Variants in MEIOB observed in about 807,000 individuals in gnomAD.
MEIOB encodes the protein meiosis-specific with OB domain-containing protein.
Under a neutral mutation model 53.1 loss-of-function variants are expected in MEIOB, and 50 were observed. The ratio of observed to expected loss-of-function variants is 0.94; its 90% CI spans 0.75 to 1.19. MEIOB has a LOEUF of 1.19. MEIOB is among the 50% of genes most tolerant of loss of function. The pLI is 0.00. For missense variants in MEIOB, 551 were observed against 550.8 expected (o/e 1.00, Z 0.00); for synonymous variants, 192 against 182.5 (o/e 1.05, Z -0.42).
intron 13 of MEIOB, among the ~76,000 whole-genome samples, chr16:1,836,708 A>G (rs567418227): frequency 6.8e-6 from 1 of 147,674 alleles, no homozygotes; most frequent in African/African-American, 2.4e-5. Context: ...GAGGAGATGC[A>G]GCATTCACAA....
intron 5 of MEIOB, 43 bp downstream of exon 5, chr16:1,860,360 A>T (rs184122884): frequency 1.9e-6 from 2 of 1,025,924 alleles, no homozygotes; most frequent in African/African-American, 1.6e-5. Context: ...CATTATTAGT[A>T]ATGATCATTC....
intron 2 of MEIOB, among the ~76,000 whole-genome samples, chr16:1,867,188 G>A (rs1366791435): frequency 6.6e-6 from 1 of 152,140 alleles, no homozygotes; most frequent in Non-Finnish European, 1.5e-5. Flanking sequence ...CAGGGGCAGG[G>A]AAGGTAAGGG....
chr16:1,836,454 A>G (rs1484167664), intron 13 of MEIOB, among the ~76,000 whole-genome samples: 2 of 152,180 alleles, frequency 1.3e-5, no homozygotes, highest in African/African-American at 4.8e-5. Flanking sequence ...GAAAGTATAC[A>G]GGGTCGGTCA....
At chr16:1,853,322 T>A in intron 7 of MEIOB, 51 bp from the exon 8 acceptor site, 1 of 1,314,190 alleles carries the variant, frequency 7.6e-7, no homozygotes, top group Non-Finnish European at 1.1e-6. Context: ...TAGAAAAAAC[T>A]GATAGTGACA....
chr16:1,865,951 C>A, intron 2 of MEIOB, 116 bp from the exon 3 acceptor site: 1 of 644,902 alleles, frequency 1.6e-6, no homozygotes, highest in Admixed American at 3.4e-5. Context: ...GACTAGGAAC[C>A]ATTTAAATGT....
At chr16:1,862,226 ATTTG>A in intron 3 of MEIOB, 110 bp from the exon 4 acceptor site, 1 of 812,992 alleles carries the variant, frequency 1.2e-6, no homozygotes, top group South Asian at 1.8e-5. Context: ...ACAAATGATT[ATTTG>A]TTTAATCAAA....
At chr16:1,841,081 A>G (rs1238590156) in intron 11 of MEIOB, 7 of 142,064 alleles carry the variant, frequency 4.9e-5, no homozygotes, top group Non-Finnish European at 4.5e-5. Context: ...CAATGGTGCA[A>G]TCTCGGCTCA....
At chr16:1,845,977 G>C (rs945449240) in intron 9 of MEIOB, among the ~76,000 whole-genome samples, 3 of 152,154 alleles carry the variant, frequency 2.0e-5, no homozygotes, top group Non-Finnish European at 2.9e-5. Context: ...CAGAATACAA[G>C]TCTCCTACCT....
In MEIOB at chr16:1,835,209, C is replaced by G. The variant is rs10468423; in HGVS notation, c.1306-843G>C. Among the ~76,000 whole-genome samples, 7 of 151,372 alleles carry G rather than the reference C, an allele frequency of 4.6e-5. No homozygotes were observed. In the East Asian group the frequency reaches 1.4e-3, roughly 29 times the overall value. ...GGTTGAGGCTGCAGTAAGCTGTGAT[C>G]GCACCACGTGCTCCAGCCTGTGTGA... On this transcript the variant is annotated intron_variant, in intron 13 of 13. Transcript: ENST00000325962.
At chr16:1,853,382 C>A in intron 7 of MEIOB, 111 bp from the exon 8 acceptor site, 1 of 846,410 alleles carries the variant, frequency 1.2e-6, no homozygotes, top group Non-Finnish European at 1.9e-6. Flanking sequence ...GTCAGCCATC[C>A]CCAAGGTGGT....
chr16:1,838,662 T>A (rs1212559406), intron 12 of MEIOB, among the ~76,000 whole-genome samples: 1 of 152,146 alleles, frequency 6.6e-6, no homozygotes, highest in African/African-American at 2.4e-5. Context: ...TACTTGACTA[T>A]ATCAAACATC....
At chr16:1,863,354 G>GAATT (rs370413820) in intron 3 of MEIOB, among the ~76,000 whole-genome samples, 30 of 146,602 alleles carry the variant, frequency 2.0e-4, no homozygotes, top group African/African-American at 7.1e-4. Flanking sequence ...GCTAATTTTT[G>GAATT]TTTTTTGTTT....
chr16:1,849,579 G>C (rs116242500), intron 9 of MEIOB, among the ~76,000 whole-genome samples: 1,746 of 148,120 alleles, frequency 0.012, 44 homozygotes, highest in African/African-American at 0.042. Flanking sequence ...CAGGTTGATA[G>C]ATGTAGCAAA....
intron 3 of MEIOB, among the ~76,000 whole-genome samples, chr16:1,865,258 C>G (rs147563136): frequency 6.6e-6 from 1 of 151,894 alleles, no homozygotes; most frequent in Non-Finnish European, 1.5e-5. Flanking sequence ...ATGGTGAAAC[C>G]CCATCTCTAC....
At chr16:1,836,899 G>A (rs1264774431) in intron 13 of MEIOB, among the ~76,000 whole-genome samples, 1 of 152,180 alleles carries the variant, frequency 6.6e-6, no homozygotes, top group African/African-American at 2.4e-5. Context: ...AGTATCAGTA[G>A]ATATAACCAC....
At chr16:1,839,593 A>G (rs1898845690) in intron 11 of MEIOB, 155 bp from the exon 12 acceptor site, 1 of 616,890 alleles carries the variant, frequency 1.6e-6, no homozygotes. Flanking sequence ...GTCGTAAAAA[A>G]CAGTAAAACA....
At chr16:1,840,751 C>T (rs1490649859) in intron 11 of MEIOB, among the ~76,000 whole-genome samples, 1 of 151,972 alleles carries the variant, frequency 6.6e-6, no homozygotes, top group Non-Finnish European at 1.5e-5. Flanking sequence ...AGGGTTTCAC[C>T]GTGTTAGCCA....
At chr16:1,850,480 A>C (rs1204044256) in intron 9 of MEIOB, among the ~76,000 whole-genome samples, 2 of 152,070 alleles carry the variant, frequency 1.3e-5, no homozygotes, top group African/African-American at 4.8e-5. Flanking sequence ...GGAGGCTGGA[A>C]CAGGAGAATC....
At chr16:1,862,222 G>T (rs966520757) in intron 3 of MEIOB, 106 bp from the exon 4 acceptor site, 8 of 830,278 alleles carry the variant, frequency 9.6e-6, no homozygotes, top group Admixed American at 8.8e-5. Context: ...ATAAACAAAT[G>T]ATTATTTGTT....
Sources: gnomAD v4.1 joint callset for allele counts (sites outside exome capture counted in the v4.1 genomes callset) on GRCh38, gnomAD v4.1.1 for gene constraint, MANE v1.5 for transcripts, NCBI Gene and HGNC (gene_info 2026-07-23, HGNC 2026-07-21) for gene names.